MCM7: variants seen among roughly 807,000 people sequenced by gnomAD.
The protein encoded by MCM7 is DNA replication licensing factor MCM7.
Under a neutral mutation model 83.5 loss-of-function variants are expected in MCM7, and 95 were observed. The ratio of observed to expected loss-of-function variants is 1.14; its 90% CI spans 0.96 to 1.35. The LOEUF is 1.35. Among genes scored for constraint, MCM7 ranks in the 40% most tolerant of loss-of-function variants. The pLI is 0.00. For missense variants in MCM7, 1,087 were observed against 957.4 expected, an observed-to-expected ratio of 1.14 and a Z score of -1.79; for synonymous variants, 461 against 352.7, an observed-to-expected ratio of 1.31 and a Z score of -3.44.
chr7:100,100,474 ACCGCACCCCG>A, intron 1 of MCM7: 1 of 903,690 alleles, frequency 1.1e-6, no homozygotes, highest in Middle Eastern at 5.8e-4. Flanking sequence ...GACCTCCGCC[ACCGCACCCCG>A]CCACCGCACC....
At chr7:100,101,217 G>C (rs763188631) in intron 1 of MCM7, 47 bp downstream of exon 1, 1 of 1,610,820 alleles carries the variant, frequency 6.2e-7, no homozygotes, top group Non-Finnish European at 8.5e-7. Context: ...GGTGTTCCCC[G>C]GGAGGCTCCC....
At chr7:100,101,089 C>A in intron 1 of MCM7, 175 bp downstream of exon 1, 1 of 781,270 alleles carries the variant, frequency 1.3e-6, no homozygotes, top group Non-Finnish European at 2.0e-6. Flanking sequence ...CGATGGCCCC[C>A]CGCACGCTTC....
chr7:100,098,467 C>T (rs1386745709), intron 6 of MCM7, 111 bp downstream of exon 6: 10 of 1,539,746 alleles, frequency 6.5e-6, no homozygotes, highest in Middle Eastern at 2.0e-4. Flanking sequence ...TTCCACCTCC[C>T]TCCTGCACTT....
chr7:100,092,899 C>A lies in MCM7; in HGVS notation c.*33G>T. 5.6e-6 allele frequency: 9 copies of A among 1,613,612 alleles called. No homozygotes were observed. The highest frequency in any genetic ancestry group is 7.6e-6 in the Non-Finnish European group (9 of 1,179,570). On this transcript the variant is annotated 3_prime_UTR_variant, in exon 15 of 15. Coordinates refer to ENST00000303887, the MANE Select transcript of MCM7 (RefSeq NM_005916.5). ...TCCCAAGGGGCAGGCCAGCAGGGAA[C>A]AAGAGGACCCCAGGGTTGCAAGCAG...
intron 3 of MCM7, 32 bp from the exon 4 acceptor site, chr7:100,099,435 A>AAAAAAAAAAAAAAAAAAC: frequency 1.3e-6 from 2 of 1,575,722 alleles, no homozygotes; most frequent in Non-Finnish European, 1.7e-6. Context: ...AAAAAAAAAA[A>AAAAAAAAAAAAAAAAAAC]AGAGCAACAG....
At chr7:100,101,195 C>A in intron 1 of MCM7, 69 bp downstream of exon 1, 1 of 1,591,084 alleles carries the variant, frequency 6.3e-7, no homozygotes, top group Non-Finnish European at 8.6e-7. Context: ...AAGACCCCAG[C>A]TCACACCAAC....
At chr7:100,098,545 C>A (rs200217397) in intron 6 of MCM7, 33 bp downstream of exon 6, 103 of 1,611,938 alleles carry the variant, frequency 6.4e-5, no homozygotes, top group Admixed American at 1.8e-4. Context: ...GACTCCCGAT[C>A]CACCTGCCCA....
chr7:100,099,881 C>G, intron 2 of MCM7, 128 bp from the exon 3 acceptor site: 1 of 1,433,714 alleles, frequency 7.0e-7, no homozygotes, highest in Non-Finnish European at 9.7e-7. Context: ...AACGCAGCGC[C>G]ACACAGAGCG....
At chr7:100,094,067 C>T (rs1052404704) in intron 13 of MCM7, 106 bp downstream of exon 13, 2 of 1,427,394 alleles carry the variant, frequency 1.4e-6, no homozygotes, top group Non-Finnish European at 2.0e-6. Flanking sequence ...CACTTTAGCC[C>T]CGGCAGGGCT....
At chr7:100,096,898 C>G (rs1476267978) in intron 10 of MCM7, among the ~76,000 whole-genome samples, 3 of 152,096 alleles carry the variant, frequency 2.0e-5, no homozygotes, top group Non-Finnish European at 4.4e-5. Flanking sequence ...GTCAGGATAT[C>G]GAGACCATCT....
intron 1 of MCM7, 96 bp downstream of exon 1, chr7:100,101,168 G>A (rs1355671643): frequency 2.0e-6 from 3 of 1,518,064 alleles, no homozygotes; most frequent in African/African-American, 2.7e-5. Flanking sequence ...CCCAGAACCC[G>A]CCGACCCCGG....
Position 100,098,719 on chromosome 7 carries a change from G to A in MCM7, c.583-4C>T, listed in dbSNP as rs199670831. 121 of 1,613,978 alleles carry A rather than the reference G, an allele frequency of 7.5e-5. No homozygotes were observed. The highest frequency in any genetic ancestry group is 9.2e-5 in the Non-Finnish European group (109 of 1,180,012). The stretch of plus-strand genomic sequence containing the variant: ...GCATGAAAGTGGGAGACTGGATCTA[G>A]GATGTGAGAACAGAAACACCAAAGG... On this transcript the variant is annotated splice_region_variant and splice_polypyrimidine_tract_variant and intron_variant, in intron 5 of 14. Transcript: ENST00000303887.
At chr7:100,100,355 C>G in intron 1 of MCM7, 2 of 1,131,416 alleles carry the variant, frequency 1.8e-6, no homozygotes, top group Non-Finnish European at 2.2e-6. Context: ...AAAATTCTAG[C>G]GCCCTTCCCC....
rs1326819791 is a variant in MCM7, at chr7:100,095,460, G to A, written c.1606C>T (p.His536Tyr). The change falls in exon 12 of 15, where the codon CAC (histidine) becomes TAC (tyrosine). Residue 536 changes from histidine to tyrosine, a missense_variant. By Grantham distance (83) the His-to-Tyr change is moderately conservative (BLOSUM62 2). Transcript: ENST00000303887. The part of the protein sequence containing the change: ...DRDNDLRLAQ[H>Y]ITYVHQHSRQ... ...CTGTGCTGGTGCACATAGGTGATGT[G>A]CTGGGCCAACCTGGACAGAGGGAAG... 1.9e-6 allele frequency: 3 copies of A among 1,614,104 alleles called. No individual in the cohort carries two copies. The highest frequency in any genetic ancestry group is 1.1e-5 in the South Asian group (1 of 91,042).
intron 2 of MCM7, 31 bp downstream of exon 2, chr7:100,099,983 C>T: frequency 6.3e-7 from 1 of 1,591,484 alleles, no homozygotes. Context: ...GCACCCCGCT[C>T]CCCATTCCCT....
At chr7:100,100,548 G>A (rs997887046) in intron 1 of MCM7, 53 of 992,890 alleles carry the variant, frequency 5.3e-5, no homozygotes, top group Non-Finnish European at 6.1e-5. Context: ...AAGCACATGG[G>A]CCCGGATTCC....
At chr7:100,098,510 C>T (rs368145261) in intron 6 of MCM7, 68 bp downstream of exon 6, 4 of 1,598,324 alleles carry the variant, frequency 2.5e-6, no homozygotes, top group African/African-American at 1.3e-5. Flanking sequence ...CCTGCCATTC[C>T]ACAAGTGACT....
intron 13 of MCM7, chr7:100,093,950 G>A: frequency 1.4e-6 from 1 of 725,556 alleles, no homozygotes; most frequent in Non-Finnish European, 2.6e-6. Flanking sequence ...TGAAGGTTAA[G>A]AAGTGGGGAA....
At chr7:100,094,525 A>G (rs1283753598) in intron 12 of MCM7, among the ~76,000 whole-genome samples, 184 bp from the exon 13 acceptor site, 2 of 152,216 alleles carry the variant, frequency 1.3e-5, no homozygotes, top group Non-Finnish European at 2.9e-5. Flanking sequence ...GGATTTCACC[A>G]AACGTATAGC....
Sources: allele counts gnomAD v4.1 joint callset (sites outside exome capture counted in the v4.1 genomes callset), GRCh38; gene constraint gnomAD v4.1.1; transcripts MANE v1.5; gene names NCBI Gene and HGNC (gene_info 2026-07-23, HGNC 2026-07-21).